RAG2: variants seen among roughly 807,000 people sequenced by gnomAD.
The protein encoded by RAG2 is recombination activating 2.
RAG2 carries 16 observed loss-of-function variants against 31.8 expected under a neutral mutation model. That is an observed-to-expected ratio of 0.50 (90% CI 0.34 to 0.76). RAG2 has a LOEUF of 0.76. Among genes scored for constraint, RAG2 ranks in the 30% least tolerant of loss-of-function variants. The pLI is 0.01. For synonymous variants in RAG2, 199 were observed against 215.9 expected (o/e 0.92, Z 0.68); for missense variants, 622 against 628.5 (o/e 0.99, Z 0.11).
rs367615315 is a variant in RAG2 at position 36,593,144 on chromosome 11, C to G, written c.1025G>C (p.Gly342Ala). The change falls in exon 2 of 2, where the codon GGA becomes GCA. Residue 342 changes from glycine to alanine, a missense_variant. Transcript: ENST00000311485. ...PGDNKQVVSE[G>A]FYFYMLKCAE... ...ACATTTCAACATATAGAAATAGAAT[C>G]CTTCTGAAACAACTTGTTTATTGTC... The G allele has an allele frequency of 6.2e-7, 1 of 1,613,984 alleles. No individual in the cohort carries two copies. The highest frequency in any genetic ancestry group is 1.7e-5 in the Admixed American group (1 of 59,992).
intron 1 of RAG2, among the ~76,000 whole-genome samples, chr11:36,596,709 A>G (rs1229809019): frequency 6.6e-6 from 1 of 152,194 alleles, no homozygotes; most frequent in Non-Finnish European, 1.5e-5. Context: ...GATGACTGTT[A>G]TTGAGATACA....
At chr11:36,594,578 A>G (rs1851127160) in intron 1 of RAG2, 1 of 208,612 alleles carries the variant, frequency 4.8e-6, no homozygotes, top group African/African-American at 2.3e-5. Context: ...GTCTGTGAAT[A>G]AAGACTAGCC....
chr11:36,593,330 T>G lies in RAG2; in HGVS notation c.839A>C (p.Glu280Ala). 2 of 1,614,156 alleles carry G rather than the reference T, an allele frequency of 1.2e-6. No individual in the cohort carries two copies. The highest frequency in any genetic ancestry group is 1.7e-6 in the Non-Finnish European group (2 of 1,180,018). The change falls in exon 2 of 2, where the codon GAA (glutamate) becomes GCA (alanine). Residue 280 changes from glutamate to alanine, a missense_variant. Glu to Ala is a moderately radical substitution (Grantham distance 107). Transcript: ENST00000311485. ...EFVIVGGYQL[E>A]NQKRMICNII... Reference sequence around the variant, plus strand: ...GTTGCAGATCATTCTTTTTTGATTTTCAAGCTGATAGCCACCAACAATAAC... The same window carrying G: ...GTTGCAGATCATTCTTTTTTGATTTGCAAGCTGATAGCCACCAACAATAAC...
chr11:36,592,380 TA>T lies in RAG2; in HGVS notation c.*204del. ...TAAATTAGTAAATTGAGTATTTGGGTAAAATATTTTCAAAATGTATAGGGTC... is the reference window on the plus strand; with the variant it reads ...TAAATTAGTAAATTGAGTATTTGGGTAAATATTTTCAAAATGTATAGGGTC... On this transcript the variant is annotated 3_prime_UTR_variant, in exon 2 of 2. Coordinates refer to ENST00000311485, the MANE Select transcript of RAG2 (RefSeq NM_000536.4). The T allele has an allele frequency of 3.0e-6, 2 of 658,152 alleles. No homozygotes were observed. The highest frequency in any genetic ancestry group is 5.0e-6 in the Non-Finnish European group (2 of 403,618). The allele number at this position is 658,152 out of a possible 1,614,324, so 40.8% of individuals were successfully genotyped here.
chr11:36,594,371 T>G, intron 1 of RAG2, 176 bp from the exon 2 acceptor site: 1 of 608,456 alleles, frequency 1.6e-6, no homozygotes, highest in South Asian at 2.0e-5. Flanking sequence ...TTACTGCCAT[T>G]CCATCCAAGG....
chr11:36,595,819 T>C (rs1406174370), intron 1 of RAG2, among the ~76,000 whole-genome samples: 7 of 152,234 alleles, frequency 4.6e-5, no homozygotes, highest in African/African-American at 1.7e-4. Context: ...CTGCCAGTAA[T>C]GGCAGTTGAT....
In RAG2 at chr11:36,593,638, G is replaced by C. The variant is rs1432669759; in HGVS notation, c.531C>G (p.Asp177Glu). The change falls in exon 2 of 2, where the codon GAC becomes GAG. Residue 177 changes from aspartate (D) to glutamate (E), a missense_variant. Physicochemically the swap from Asp to Glu is conservative, Grantham distance 45. Transcript: ENST00000311485. ...CCACCAGGAAAACACAGGGCAGGCA[G>C]TCAGCTACACTATTCCATTTTTCTG... The part of the protein sequence containing the change: ...RTTEKWNSVA[D>E]CLPCVFLVDF... 1.2e-6 allele frequency: 2 copies of C among 1,614,076 alleles called. No individual in the cohort carries two copies. Among genetic ancestry groups the C allele is most frequent in the Non-Finnish European group, 1.7e-6 (2 of 1,180,042 alleles).
downstream of RAG2, among the ~76,000 whole-genome samples, chr11:36,591,419 G>A (rs541150972): frequency 3.8e-4 from 57 of 151,748 alleles, 1 homozygote; most frequent in South Asian, 7.1e-3. Context: ...TTTTTTTTCC[G>A]GAAAATATTT....
At chr11:36,597,924 G>C (rs1851343075) in intron 1 of RAG2, among the ~76,000 whole-genome samples, 178 bp downstream of exon 1, 1 of 152,074 alleles carries the variant, frequency 6.6e-6, no homozygotes, top group Non-Finnish European at 1.5e-5. Context: ...AATCCCTGAA[G>C]CAGCCAGAGA....
downstream of RAG2, among the ~76,000 whole-genome samples, chr11:36,591,706 TG>T: frequency 6.6e-6 from 1 of 152,258 alleles, no homozygotes; most frequent in Middle Eastern, 3.4e-3. Context: ...TACATTATTT[TG>T]GGAAATAATA....
In RAG2 at chr11:36,592,324, A is replaced by C. The variant is rs1851034089; in HGVS notation, c.*261T>G. 1 of 465,830 alleles carries C rather than the reference A, an allele frequency of 2.1e-6. No homozygotes were observed. 28.9% of individuals were successfully genotyped at this position (465,830 alleles called of 1,614,324 possible). A position where few individuals can be genotyped will look rare whatever the true frequency, so the allele number is the denominator to read the frequency against. ...CTGGGTGTTTAAGGTTTGTTGAATAAAAAATCAGATCAGAAATCCTCAGTG... is the reference window on the plus strand; with the variant it reads ...CTGGGTGTTTAAGGTTTGTTGAATACAAAATCAGATCAGAAATCCTCAGTG... On this transcript the variant is annotated 3_prime_UTR_variant, in exon 2 of 2. Transcript: ENST00000311485.
In RAG2 at chr11:36,594,338, G is replaced by A. The variant is rs1471391082; in HGVS notation, c.-27-143C>T. On this transcript the variant is annotated intron_variant, in intron 1 of 1. Coordinates refer to ENST00000311485, the MANE Select transcript of RAG2 (RefSeq NM_000536.4). ...GAATGAGGAAAATCCAAGGAGTTAG[G>A]TCAGTAAAGAGCCACAGAACCTTTA... 9.2e-6 allele frequency: 6 copies of A among 650,276 alleles called. No homozygotes were observed. The African/African-American group carries it at 1.1e-4, about 12-fold the overall frequency. 40.3% of individuals were successfully genotyped at this position (650,276 alleles called of 1,614,324 possible).
rs780531526 is a variant in RAG2 at position 36,593,405 on chromosome 11, C to T, written c.764G>A (p.Gly255Glu). The change falls in exon 2 of 2, where the codon GGA becomes GAA. Residue 255 changes from glycine to glutamate, a missense_variant. Transcript: ENST00000311485. ...CAGGATTGCACTGGAGACAGAGATTCCTCCTGGCAAGACTGTGCAATTCAC... is the reference window on the plus strand; with the variant it reads ...CAGGATTGCACTGGAGACAGAGATTTCTCCTGGCAAGACTGTGCAATTCAC... The part of the protein sequence containing the change: ...PAVNCTVLPG[G>E]ISVSSAILTQ... The T allele has an allele frequency of 2.5e-6, 4 of 1,613,954 alleles. No individual in the cohort carries two copies. The highest frequency in any genetic ancestry group is 1.1e-5 in the South Asian group (1 of 91,078).
In RAG2 at chr11:36,593,060, T is replaced by C. The variant is rs1851060950; in HGVS notation, c.1109A>G (p.Glu370Gly). The part of the protein sequence containing the change: ...TTFTNSQTST[E>G]DPGDSTPFED... ...AAAGGGAGTGGAATCCCCTGGATCT[T>C]CTGTTGATGTTTGACTGTTTGTGAA... is the stretch of plus-strand genomic sequence containing the variant. The change falls in exon 2 of 2, where the codon GAA (glutamate) becomes GGA (glycine). Residue 370 changes from glutamate (E) to glycine (G), a missense_variant. By Grantham distance (98) the Glu-to-Gly change is moderately conservative. Coordinates refer to ENST00000311485, the MANE Select transcript of RAG2 (RefSeq NM_000536.4). 15 of 1,614,202 alleles carry C rather than the reference T, an allele frequency of 9.3e-6. No homozygotes were observed. The highest frequency in any genetic ancestry group is 1.3e-5 in the Non-Finnish European group (15 of 1,180,008).
At chr11:36,591,863 C>T (rs1851026120), downstream of RAG2, 1 of 152,112 alleles carries the variant, frequency 6.6e-6, no homozygotes, top group Non-Finnish European at 1.5e-5. Context: ...GACTTTGGCA[C>T]ATCATTCATG....
Position 36,594,093 on chromosome 11 carries a change from C to G in RAG2, c.76G>C (p.Gly26Arg). 6.2e-7 allele frequency: 1 copy of G among 1,614,004 alleles called. No individual in the cohort carries two copies. The highest frequency in any genetic ancestry group is 8.5e-7 in the Non-Finnish European group (1 of 1,179,984). Residue 26 changes from glycine to arginine, a missense_variant, in exon 2 of 2, where the codon GGA becomes CGA. Coordinates refer to ENST00000311485, the MANE Select transcript of RAG2 (RefSeq NM_000536.4). The part of the protein sequence containing the change: ...QPGFSLMNFD[G>R]QVFFFGQKGW... ...TTTTGTCCAAAGAAGAAAACTTGTC[C>G]ATCAAAATTCATCAGTGAGAAGCCT... is the stretch of plus-strand genomic sequence containing the variant.
At chr11:36,596,222 GTTT>G (rs67282079) in intron 1 of RAG2, among the ~76,000 whole-genome samples, 1 of 118,364 alleles carries the variant, frequency 8.4e-6, no homozygotes, top group Admixed American at 8.7e-5. Flanking sequence ...TTTTTTTTTT[GTTT>G]TTTTTTTTTT....
chr11:36,594,245 T>C, intron 1 of RAG2, 50 bp from the exon 2 acceptor site: 1 of 1,192,488 alleles, frequency 8.4e-7, no homozygotes, highest in Non-Finnish European at 1.2e-6. Flanking sequence ...CATATAATCA[T>C]CGTATTTAGA....
rs1351286949 is a variant in RAG2, at chr11:36,592,960, A to G, written c.1209T>C (p.Asn403=). ...CAGACTCATCTTCTTCATCATCTTC[A>G]TTATAGGTGTCAAATTCATCATCAC... ...FDGDDEFDTY[N]EDDEEDESET... Residue 403 remains asparagine, a synonymous_variant, in exon 2 of 2, where the codon AAT becomes AAC. Coordinates refer to ENST00000311485, the MANE Select transcript of RAG2 (RefSeq NM_000536.4). 9 of 1,613,998 alleles carry G rather than the reference A, an allele frequency of 5.6e-6. No individual in the cohort carries two copies. In the East Asian group the frequency reaches 2.0e-4, roughly 36 times the overall value.
Sources: gnomAD v4.1 joint callset for allele counts (sites outside exome capture counted in the v4.1 genomes callset) on GRCh38, gnomAD v4.1.1 for gene constraint, MANE v1.5 for transcripts, NCBI Gene and HGNC (gene_info 2026-07-23, HGNC 2026-07-21) for gene names.